The following KCNT2 variants were observed in gnomAD, a reference collection of about 807,000 sequenced individuals.
KCNT2 encodes the protein potassium sodium-activated channel subfamily T member 2, also known as potassium channel subfamily T member 2.
A neutral mutation model predicts 153.8 loss-of-function variants in KCNT2; 67 were observed. That is an observed-to-expected ratio of 0.44 (90% confidence interval 0.36 to 0.53). The LOEUF is 0.53. Among genes scored for constraint, KCNT2 ranks in the 20% least tolerant of loss-of-function variants. The pLI, the probability that KCNT2 is intolerant of heterozygous loss-of-function variation, is 0.00. For missense variants in KCNT2, 975 were observed against 1,354.8 expected, an observed-to-expected ratio of 0.72 and a Z score of 4.40; for synonymous variants, 500 against 458.8, an observed-to-expected ratio of 1.09 and a Z score of -1.15.
chr1:196,483,406 G>C (rs1370541982), intron 3 of KCNT2, among the ~76,000 whole-genome samples: 3 of 152,040 alleles, frequency 2.0e-5, no homozygotes, highest in Non-Finnish European at 1.5e-5. Context: ...ACCTTCTTTT[G>C]CCTTCTACCA....
At chr1:196,474,171 T>C (rs1678331515) in intron 5 of KCNT2, among the ~76,000 whole-genome samples, 1 of 152,156 alleles carries the variant, frequency 6.6e-6, no homozygotes, top group African/African-American at 2.4e-5. Flanking sequence ...ATCGCACTTT[T>C]ATTTTTATCA....
At chr1:196,340,974 G>A (rs1266046686) in intron 15 of KCNT2, among the ~76,000 whole-genome samples, 1 of 151,654 alleles carries the variant, frequency 6.6e-6, no homozygotes, top group Non-Finnish European at 1.5e-5. Context: ...ACCTGAAAGA[G>A]AACCAGGGTC....
intron 22 of KCNT2, among the ~76,000 whole-genome samples, chr1:196,291,922 A>G (rs1334509774): frequency 6.6e-6 from 1 of 152,190 alleles, no homozygotes; most frequent in Non-Finnish European, 1.5e-5. Context: ...TAGTCTAGGG[A>G]TCTACTAACT....
intron 1 of KCNT2, among the ~76,000 whole-genome samples, chr1:196,539,076 C>T (rs2335904): frequency 0.98 from 149,737 of 152,314 alleles, 73,646 homozygotes; most frequent in Middle Eastern, 1. Context: ...AATACCTTCT[C>T]GAAGACAGAA....
rs377449572 is a variant in KCNT2, at chr1:196,228,272, G to T, written c.3360C>A (p.Ser1120Arg). 1.6e-5 allele frequency: 25 copies of T among 1,611,504 alleles called. No homozygotes were observed. The highest frequency in any genetic ancestry group is 1.9e-5 in the Non-Finnish European group (22 of 1,178,326). Residue 1120 changes from serine to arginine, a missense_variant, in exon 28 of 28, where the codon AGC (serine) becomes AGA (arginine). Physicochemically the swap from Ser to Arg is moderately radical, Grantham distance 110 (BLOSUM62 -1). Around this residue, in one of 6 missense-constraint regions of KCNT2, gnomAD observed 241 missense variants for 271.1 expected, o/e 0.89. Transcript: ENST00000294725. ...LPNSEPSRRN[S>R]ICNVTGQDSR... ...AATCTTGACCAGTGACATTGCAGATGCTGTTTCTTCGACTGGGCTCACTGT... is the reference window on the plus strand; with the variant it reads ...AATCTTGACCAGTGACATTGCAGATTCTGTTTCTTCGACTGGGCTCACTGT...
At chr1:196,482,401 G>C in intron 3 of KCNT2, 22 bp from the exon 4 acceptor site, 1 of 1,349,520 alleles carries the variant, frequency 7.4e-7, no homozygotes, top group Non-Finnish European at 1.0e-6. Context: ...ATAATAATAA[G>C]TTAGTTTTTT....
intron 14 of KCNT2, among the ~76,000 whole-genome samples, chr1:196,353,745 G>A (rs1470672962): frequency 1.3e-5 from 2 of 152,022 alleles, no homozygotes; most frequent in African/African-American, 2.4e-5. Context: ...GTGGAATAAG[G>A]GCTGTTAGCT....
chr1:196,427,525 T>G (rs1673760084), intron 10 of KCNT2, among the ~76,000 whole-genome samples: 1 of 152,048 alleles, frequency 6.6e-6, no homozygotes, highest in African/African-American at 2.4e-5. Context: ...TATTCAAGAA[T>G]TTTATCTGCA....
intron 1 of KCNT2, among the ~76,000 whole-genome samples, chr1:196,504,837 G>A (rs1256544257): frequency 1.3e-5 from 2 of 152,220 alleles, no homozygotes; most frequent in Non-Finnish European, 2.9e-5. Flanking sequence ...GATGGCCAGT[G>A]ATGGTGAGCA....
chr1:196,598,120 C>A (rs1446492665), intron 1 of KCNT2, among the ~76,000 whole-genome samples: 1 of 152,008 alleles, frequency 6.6e-6, no homozygotes, highest in Non-Finnish European at 1.5e-5. Flanking sequence ...AAATGGATGA[C>A]CCTGTCCAAA....
intron 1 of KCNT2, among the ~76,000 whole-genome samples, chr1:196,527,649 A>G (rs1474592435): frequency 6.6e-6 from 1 of 152,178 alleles, no homozygotes; most frequent in Non-Finnish European, 1.5e-5. Flanking sequence ...AGTTGCATAT[A>G]TTTCTAGCAT....
intron 26 of KCNT2, among the ~76,000 whole-genome samples, chr1:196,255,969 C>T (rs146806172): frequency 6.8e-4 from 104 of 152,030 alleles, no homozygotes; most frequent in African/African-American, 2.5e-3. Context: ...GCATGTTAAT[C>T]ACTCTGGGCA....
chr1:196,413,169 C>G (rs1186132238), intron 12 of KCNT2, among the ~76,000 whole-genome samples: 1 of 151,354 alleles, frequency 6.6e-6, no homozygotes, highest in Non-Finnish European at 1.5e-5. Context: ...AATGTGTATG[C>G]CATTTGAATA....
intron 12 of KCNT2, among the ~76,000 whole-genome samples, chr1:196,405,856 A>G (rs1403371040): frequency 6.6e-6 from 1 of 151,598 alleles, no homozygotes; most frequent in Non-Finnish European, 1.5e-5. Flanking sequence ...ATACATGTAG[A>G]TAGATTTGCC....
At position 196,351,083 on chromosome 1, in the gene KCNT2, A is replaced by G. The variant is rs143431539; in HGVS notation, c.1404-8855T>C. ...TCTATATCTCTGTTTTGGTACCAGT[A>G]TCATGCTGCTTTGGTTACTGTAGCC... is the stretch of plus-strand genomic sequence containing the variant. On this transcript the variant is annotated intron_variant, in intron 14 of 27. Coordinates refer to ENST00000294725, the MANE Select transcript of KCNT2 (RefSeq NM_198503.5). Among the ~76,000 whole-genome samples the G allele has an allele frequency of 6.1e-3, 933 of 152,304 alleles. 12 individuals are homozygous for G. Among genetic ancestry groups the G allele is most frequent in the African/African-American group, 0.021 (881 of 41,564 alleles).
chr1:196,379,581 C>G (rs1669296528), intron 13 of KCNT2, among the ~76,000 whole-genome samples: 1 of 149,362 alleles, frequency 6.7e-6, no homozygotes, highest in South Asian at 2.1e-4. Flanking sequence ...CTCTCTCTCT[C>G]TCTCTCTCTC....
chr1:196,379,840 T>C (rs935840140), intron 13 of KCNT2, among the ~76,000 whole-genome samples: 1 of 152,044 alleles, frequency 6.6e-6, no homozygotes, highest in African/African-American at 2.4e-5. Context: ...ATCTCTAAAA[T>C]GTGAATTACA....
chr1:196,378,653 A>C (rs896560894), intron 13 of KCNT2, among the ~76,000 whole-genome samples: 4 of 150,178 alleles, frequency 2.7e-5, no homozygotes, highest in Non-Finnish European at 5.9e-5. Flanking sequence ...AACCATGTAC[A>C]TTATGTATTA....
At chr1:196,514,488 C>T (rs555300696) in intron 1 of KCNT2, among the ~76,000 whole-genome samples, 1 of 152,112 alleles carries the variant, frequency 6.6e-6, no homozygotes, top group Non-Finnish European at 1.5e-5. Flanking sequence ...GAAAACACCA[C>T]TGAAAAACAT....
Sources: gnomAD v4.1 joint callset for allele counts (sites outside exome capture counted in the v4.1 genomes callset) on GRCh38, gnomAD v4.1.1 for gene constraint, gnomAD v4.1.1 regional missense constraint, MANE v1.5 for transcripts, NCBI Gene and HGNC (gene_info 2026-07-23, HGNC 2026-07-21) for gene names.